ZBTB48: variants seen among roughly 807,000 people sequenced by gnomAD.
ZBTB48 encodes zinc finger and BTB domain-containing protein 48.
Under a neutral mutation model 64.5 loss-of-function variants are expected in ZBTB48, and 35 were observed. That is an observed-to-expected ratio of 0.54 (90% CI 0.41 to 0.72). ZBTB48 has a LOEUF of 0.72. ZBTB48 is among the 30% of genes least tolerant of loss of function. The pLI, the probability that ZBTB48 is intolerant of heterozygous loss-of-function variation, is 0.00. For synonymous variants in ZBTB48, 442 were observed against 356.7 expected (o/e 1.24, Z -2.70); for missense variants, 828 against 895.3 (o/e 0.92, Z 0.96).
In ZBTB48 at chr1:6,584,552, C is replaced by T. The variant is rs565966109; in HGVS notation, c.933-1367C>T. Among the ~76,000 whole-genome samples, 2 of 152,374 alleles carry T rather than the reference C, an allele frequency of 1.3e-5. No individual in the cohort carries two copies. Among genetic ancestry groups the T allele is most frequent in the East Asian group, 1.9e-4 (1 of 5,192 alleles). On this transcript the variant is annotated intron_variant, in intron 3 of 10. Coordinates refer to ENST00000377674, the MANE Select transcript of ZBTB48 (RefSeq NM_005341.4). The surrounding 1 kb of genome is among the most constrained non-coding windows in gnomAD (Gnocchi z 4.5). ...AATGGGAGCCAGGGGGAAACCCGTT[C>T]GCTGTCCCTGTGCACCGTGTTCAGG... is the stretch of plus-strand genomic sequence containing the variant.
Position 6,580,543 on chromosome 1 carries a change from GCTTTCTCTTGC to G in ZBTB48, c.-66_-56del. On this transcript the variant is annotated 5_prime_UTR_variant, in exon 2 of 11. Coordinates refer to ENST00000377674, the MANE Select transcript of ZBTB48 (RefSeq NM_005341.4). This position sits in a 1 kb window ranked among gnomAD's most constrained non-coding sequence, Gnocchi z 5.2. The stretch of plus-strand genomic sequence containing the variant: ...CCGTTTCTCTCTCTTGACTCCAGGA[GCTTTCTCTTGC>G]ATACCCTCGCTTAGGCTGGCCGGGG... 6.6e-7 allele frequency: 1 copy of G among 1,511,116 alleles called. No homozygotes were observed. Among genetic ancestry groups the G allele is most frequent in the Non-Finnish European group, 8.9e-7 (1 of 1,117,558 alleles). The allele number at this position is 1,511,116 out of a possible 1,614,324, so 93.6% of individuals were successfully genotyped here.
chr1:6,589,259 C>T lies in ZBTB48; in HGVS notation c.*47C>T, dbSNP rs565589882. 6.1e-6 allele frequency: 9 copies of T among 1,475,584 alleles called. No individual in the cohort carries two copies. The highest frequency in any genetic ancestry group is 2.5e-4 in the Middle Eastern group (1 of 3,994). The allele number at this position is 1,475,584 out of a possible 1,614,324, so 91.4% of individuals were successfully genotyped here. On this transcript the variant is annotated 3_prime_UTR_variant, in exon 11 of 11. Transcript: ENST00000377674. ...CACTTGGCCCCACCCCTCAATAAAC[C>T]GTGTGGCTTTGGACTCTCGTATTTC...
intron 5 of ZBTB48, 141 bp downstream of exon 5, chr1:6,586,928 C>A: frequency 1.0e-6 from 1 of 984,088 alleles, no homozygotes. Flanking sequence ...CCTGCCTTTC[C>A]AGTGCCCCCT....
At position 6,586,186 on chromosome 1, in the gene ZBTB48, T is replaced by A. The variant is rs187176629; in HGVS notation, c.1044+156T>A. The A allele has an allele frequency of 4.1e-5, 30 of 735,812 alleles. No homozygotes were observed. In the Admixed American group the frequency reaches 6.5e-4, roughly 16 times the overall value. The allele number at this position is 735,812 out of a possible 1,614,324, so 45.6% of individuals were successfully genotyped here. On this transcript the variant is annotated intron_variant, in intron 4 of 10. Transcript: ENST00000377674. Reference sequence around the variant, plus strand: ...GGATGTCATGAGGTCCATGCCCTGGTACAGGTGGGGACACAGGTCCTGAGG... The same window carrying A: ...GGATGTCATGAGGTCCATGCCCTGGAACAGGTGGGGACACAGGTCCTGAGG...
At chr1:6,581,670 A>G (rs1640471679) in intron 2 of ZBTB48, among the ~76,000 whole-genome samples, 1 of 152,080 alleles carries the variant, frequency 6.6e-6, no homozygotes. Flanking sequence ...TCTCAAAAAA[A>G]AAAAAAAAAT....
intron 9 of ZBTB48, 114 bp from the exon 10 acceptor site, chr1:6,588,642 A>T: frequency 6.7e-7 from 1 of 1,501,266 alleles, no homozygotes; most frequent in Non-Finnish European, 9.0e-7. Context: ...GGGCCTGTGC[A>T]GCACTTGTAA....
chr1:6,583,516 G>T (rs1640546572), intron 3 of ZBTB48, among the ~76,000 whole-genome samples: 1 of 151,112 alleles, frequency 6.6e-6, no homozygotes, highest in African/African-American at 2.4e-5. Flanking sequence ...GGCCAGGCTG[G>T]TCTTGAACTC....
At chr1:6,587,114 C>A (rs1184419639) in intron 5 of ZBTB48, 91 bp from the exon 6 acceptor site, 1 of 1,376,208 alleles carries the variant, frequency 7.3e-7, no homozygotes, top group African/African-American at 1.4e-5. Flanking sequence ...ACCGGGGCCT[C>A]CCTCTAGTTC....
intron 4 of ZBTB48, chr1:6,586,409 C>T: frequency 1.8e-6 from 1 of 549,886 alleles, no homozygotes; most frequent in Non-Finnish European, 3.1e-6. Context: ...CAGGCCCACT[C>T]TTCCTAGAGG....
rs949470121 is a variant in ZBTB48, at chr1:6,584,470, T to C, written c.933-1449T>C. On this transcript the variant is annotated intron_variant, in intron 3 of 10. Transcript: ENST00000377674. The surrounding 1 kb of genome is among the most constrained non-coding windows in gnomAD (Gnocchi z 4.5). ...ACTCCCAGCCAAGACATCACTAGTC[T>C]ATCATGGTGTGTTTTCTTGCCATGC... 1.3e-5 allele frequency among the ~76,000 whole-genome samples: 2 copies of C among 152,208 alleles called. No homozygotes were observed. Among genetic ancestry groups the C allele is most frequent in the African/African-American group, 4.8e-5 (2 of 41,456 alleles).
At chr1:6,588,894 C>T in intron 10 of ZBTB48, 22 bp from the exon 11 acceptor site, 3 of 1,613,820 alleles carry the variant, frequency 1.9e-6, no homozygotes, top group Non-Finnish European at 2.5e-6. Context: ...CCCCAAAGTT[C>T]TGAGCTCACC....
chr1:6,584,213 C>G lies in ZBTB48; in HGVS notation c.933-1706C>G, dbSNP rs1001885224. ...ACAGGCGAGAGCCACCGTGCCCAGC[C>G]CCCAGGGACTATTTTAACTTAAAAT... On this transcript the variant is annotated intron_variant, in intron 3 of 10. Coordinates refer to ENST00000377674, the MANE Select transcript of ZBTB48 (RefSeq NM_005341.4). The surrounding 1 kb of genome is among the most constrained non-coding windows in gnomAD (Gnocchi z 4.5). Among the ~76,000 whole-genome samples the G allele has an allele frequency of 6.6e-6, 1 of 152,190 alleles. No individual in the cohort carries two copies. The highest frequency in any genetic ancestry group is 1.5e-5 in the Non-Finnish European group (1 of 68,054).
Position 6,580,790 on chromosome 1 carries a change from G to A in ZBTB48, c.181G>A (p.Gly61Ser). 6.2e-7 allele frequency: 1 copy of A among 1,614,190 alleles called. No homozygotes were observed. Reference sequence around the variant, plus strand: ...GAGCCTCTACGGGGATGGCTCAGGGGGCAGTGTCGTCCTCCCTGCTGGCTT... The same window carrying A: ...GAGCCTCTACGGGGATGGCTCAGGGAGCAGTGTCGTCCTCCCTGCTGGCTT... ...FQSLYGDGSGGSVVLPAGFAE... is the reference protein window; with the variant it reads ...FQSLYGDGSGSSVVLPAGFAE... Residue 61 changes from glycine to serine, a missense_variant, in exon 2 of 11, where the codon GGC becomes AGC. Transcript: ENST00000377674. The surrounding 1 kb of genome is among the most constrained non-coding windows in gnomAD (Gnocchi z 5.2).
At chr1:6,587,715 C>T (rs567817905) in intron 7 of ZBTB48, 83 bp downstream of exon 7, 88 of 1,566,096 alleles carry the variant, frequency 5.6e-5, no homozygotes, top group Non-Finnish European at 1.1e-5. Context: ...AGTTTGCTGA[C>T]TTTTACACAG....
At position 6,580,710 on chromosome 1, in the gene ZBTB48, G is replaced by A; in HGVS notation, c.101G>A (p.Gly34Asp). 1 of 1,614,184 alleles carries A rather than the reference G, an allele frequency of 6.2e-7. No individual in the cohort carries two copies. The highest frequency in any genetic ancestry group is 8.5e-7 in the Non-Finnish European group (1 of 1,180,038). ...TGCGACGCCACTCTGGACGTGGGGG[G>A]CCTGGTGTTTAAGGCACACTGGAGT... ...QYCDATLDVG[G>D]LVFKAHWSVL... The change falls in exon 2 of 11, where the codon GGC (glycine) becomes GAC (aspartate). Residue 34 changes from glycine to aspartate, a missense_variant. By Grantham distance (94) the Gly-to-Asp change is moderately conservative. Coordinates refer to ENST00000377674, the MANE Select transcript of ZBTB48 (RefSeq NM_005341.4). The surrounding 1 kb of genome is among the most constrained non-coding windows in gnomAD (Gnocchi z 5.2).
chr1:6,583,365 A>T (rs1350187762), intron 3 of ZBTB48, among the ~76,000 whole-genome samples: 1 of 151,880 alleles, frequency 6.6e-6, no homozygotes, highest in East Asian at 1.9e-4. Context: ...CAGTGGCATG[A>T]GATCGGCTCA....
chr1:6,580,866 C>G lies in ZBTB48; in HGVS notation c.257C>G (p.Ala86Gly), dbSNP rs1329474351. Reference protein sequence around the residue: ...LLDFFYTGHLALTSGNRDQVL... With the variant: ...LLDFFYTGHLGLTSGNRDQVL... ...GACTTTTTCTACACTGGTCACCTCGCTCTCACCTCAGGGAACCGGGATCAG... is the reference window on the plus strand; with the variant it reads ...GACTTTTTCTACACTGGTCACCTCGGTCTCACCTCAGGGAACCGGGATCAG... The change falls in exon 2 of 11, where the codon GCT (alanine) becomes GGT (glycine). Residue 86 changes from alanine to glycine, a missense_variant. Coordinates refer to ENST00000377674, the MANE Select transcript of ZBTB48 (RefSeq NM_005341.4). This position sits in a 1 kb window ranked among gnomAD's most constrained non-coding sequence, Gnocchi z 5.2. 2 of 1,614,060 alleles carry G rather than the reference C, an allele frequency of 1.2e-6. No homozygotes were observed. Among genetic ancestry groups the G allele is most frequent in the African/African-American group, 2.7e-5 (2 of 74,938 alleles).
intron 2 of ZBTB48, among the ~76,000 whole-genome samples, chr1:6,581,541 G>A (rs1167194379): frequency 6.6e-6 from 1 of 151,978 alleles, no homozygotes; most frequent in African/African-American, 2.4e-5. Flanking sequence ...GCACACACCT[G>A]TAGTCCTAGC....
intron 3 of ZBTB48, 77 bp downstream of exon 3, chr1:6,582,376 TCTGGGTGAGGTAGGGG>T: frequency 6.5e-7 from 1 of 1,549,410 alleles, no homozygotes; most frequent in East Asian, 2.3e-5. Context: ...ACTTCCCACT[TCTGGGTGAGGTAGGGG>T]CTGGGGGATC....
Sources: gnomAD v4.1 joint callset for allele counts (sites outside exome capture counted in the v4.1 genomes callset) on GRCh38, gnomAD v4.1.1 for gene constraint, Gnocchi (gnomAD v3.1) non-coding constraint, MANE v1.5 for transcripts, NCBI Gene and HGNC (gene_info 2026-07-23, HGNC 2026-07-21) for gene names.